PRH1: variants seen among roughly 807,000 people sequenced by gnomAD.
The protein encoded by PRH1 is salivary acidic proline-rich phosphoprotein 1/2.
Under a neutral mutation model 7.9 loss-of-function variants are expected in PRH1, and 7 were observed. That is an observed-to-expected ratio of 0.89 (90% CI 0.50 to 1.67). PRH1 has a LOEUF of 1.67. Ranked by LOEUF, PRH1 falls within the 40% of genes most tolerant of loss-of-function variation. The probability of loss-of-function intolerance (pLI) is 0.00; values close to 1 mark genes in which losing one functional copy is unlikely to be tolerated. For missense variants in PRH1, 109 were observed against 223.6 expected (o/e 0.49, Z 3.27); for synonymous variants, 45 against 80.8 (o/e 0.56, Z 2.38).
chr12:11,148,528 G>A (rs1488550095), intron 1 of PRH1, among the ~76,000 whole-genome samples: 1 of 147,426 alleles, frequency 6.8e-6, no homozygotes, highest in Non-Finnish European at 1.5e-5. Flanking sequence ...GGCCTTTTCT[G>A]CATCTATTGA....
chr12:11,133,263 T>C, intron 1 of PRH1: 1 of 1,575,158 alleles, frequency 6.3e-7, no homozygotes, highest in Non-Finnish European at 8.6e-7. Context: ...AAATGTTTCA[T>C]ACACCACCAG....
intron 1 of PRH1, among the ~76,000 whole-genome samples, chr12:11,003,192 ATTC>A (rs749861535): frequency 3.7e-4 from 57 of 152,088 alleles, no homozygotes; most frequent in Non-Finnish European, 6.9e-4. Flanking sequence ...ATAATGCTGT[ATTC>A]TTTATTCAGC....
intron 1 of PRH1, among the ~76,000 whole-genome samples, chr12:11,148,177 G>A (rs558176963): frequency 2.8e-5 from 4 of 140,888 alleles, no homozygotes; most frequent in East Asian, 2.0e-4. Context: ...TCAGCTTAAC[G>A]AGATTTTGGG....
intron 1 of PRH1, chr12:11,021,804 C>A: frequency 6.2e-7 from 1 of 1,614,246 alleles, no homozygotes; most frequent in Non-Finnish European, 8.5e-7. Context: ...CAAGTTTGCT[C>A]TGCTGTGTCC....
At chr12:10,884,264 C>T (rs1165980671), upstream of PRH1, 5 of 1,612,308 alleles carry the variant, frequency 3.1e-6, no homozygotes, top group East Asian at 2.2e-5. Flanking sequence ...CTGGGAGAAA[C>T]GTGTCAGCTC....
rs527310597 is a variant in PRH1 at position 11,101,466 on chromosome 12, G to T, written n.124-54278C>A. Reference sequence around the variant, plus strand: ...GATTGTTCTTGTGCACTCCAGCCTGGACAACAGAGTCAGATCCTGTCTCAA... The same window carrying T: ...GATTGTTCTTGTGCACTCCAGCCTGTACAACAGAGTCAGATCCTGTCTCAA... On this transcript the variant is annotated intron_variant and non_coding_transcript_variant, in intron 1 of 4. Coordinates refer to the PRH1 transcript ENST00000541977. 2.6e-5 allele frequency among the ~76,000 whole-genome samples: 4 copies of T among 151,806 alleles called. No homozygotes were observed. The South Asian group carries it at 6.3e-4, about 24-fold the overall frequency.
chr12:10,954,579 C>A (rs1937859486), intron 2 of PRH1, among the ~76,000 whole-genome samples: 1 of 152,172 alleles, frequency 6.6e-6, no homozygotes, highest in South Asian at 2.1e-4. Context: ...GAAATCCTCC[C>A]AACTCAGCCT....
intron 1 of PRH1, among the ~76,000 whole-genome samples, chr12:10,994,530 A>G (rs978967321): frequency 6.6e-6 from 1 of 152,186 alleles, no homozygotes; most frequent in African/African-American, 2.4e-5. Flanking sequence ...CACACATTAC[A>G]GCACATAGTG....
intron 2 of PRH1, among the ~76,000 whole-genome samples, chr12:10,945,037 T>C (rs1026271801): frequency 2.6e-5 from 4 of 152,198 alleles, no homozygotes; most frequent in African/African-American, 9.7e-5. Flanking sequence ...GTTGTGTCTC[T>C]GCCAGGTTTT....
intron 1 of PRH1, among the ~76,000 whole-genome samples, chr12:10,987,703 A>C (rs1284511559): frequency 6.6e-6 from 1 of 152,006 alleles, no homozygotes; most frequent in Non-Finnish European, 1.5e-5. Context: ...ACCCCCCCCA[A>C]AAAAATGTAT....
At chr12:11,091,686 C>G (rs72477447) in intron 1 of PRH1, 23,437 of 1,000,168 alleles carry the variant, frequency 0.023, 8,574 homozygotes, top group Admixed American at 0.046. Flanking sequence ...AAGTTTGCTA[C>G]CATGGTTACA....
At chr12:10,916,923 A>ATTAAT (rs1224074899) in intron 2 of PRH1, among the ~76,000 whole-genome samples, 14 of 150,156 alleles carry the variant, frequency 9.3e-5, no homozygotes, top group African/African-American at 3.4e-4. Flanking sequence ...ATAAAATAAA[A>ATTAAT]AAAATAGCTG....
intron 1 of PRH1, among the ~76,000 whole-genome samples, chr12:11,154,886 A>G (rs1947206829): frequency 6.6e-6 from 1 of 150,622 alleles, no homozygotes; most frequent in Admixed American, 6.7e-5. Context: ...GGAAAACTTC[A>G]GACAGAGAAT....
rs1210557314 is a variant in PRH1 at position 11,089,160 on chromosome 12, T to C, written n.124-41972A>G. ...CTTCACTATGTCCTATTCCCCTGGC[T>C]AGTACCTTGCCCGATCCAGGTCATC... On this transcript the variant is annotated intron_variant and non_coding_transcript_variant, in intron 1 of 4. Coordinates refer to the PRH1 transcript ENST00000541977. Among the ~76,000 whole-genome samples the C allele has an allele frequency of 5.2e-5, 6 of 115,578 alleles. 2 individuals are homozygous for C. The highest frequency in any genetic ancestry group is 2.3e-4 in the South Asian group (1 of 4,260). 75.8% of individuals were successfully genotyped at this position (115,578 alleles called of 152,430 possible). A position where few individuals can be genotyped will look rare whatever the true frequency, so the allele number is the denominator to read the frequency against.
chr12:11,032,427 A>C (rs892013839), intron 1 of PRH1, among the ~76,000 whole-genome samples: 1 of 152,160 alleles, frequency 6.6e-6, no homozygotes, highest in Non-Finnish European at 1.5e-5. Context: ...GCAGGCCACT[A>C]CTCCATAAGA....
intron 1 of PRH1, among the ~76,000 whole-genome samples, chr12:10,973,912 C>A (rs1245470946): frequency 6.6e-6 from 1 of 152,056 alleles, no homozygotes. Flanking sequence ...AAAACTACTC[C>A]TAAAATGTAT....
At chr12:10,944,486 A>G (rs1236268688) in intron 2 of PRH1, among the ~76,000 whole-genome samples, 1 of 152,196 alleles carries the variant, frequency 6.6e-6, no homozygotes, top group African/African-American at 2.4e-5. Flanking sequence ...GGGGTTTTGT[A>G]GATAGAGAAT....
chr12:11,101,608 C>T (rs7959172), intron 1 of PRH1, among the ~76,000 whole-genome samples: 32,184 of 152,008 alleles, frequency 0.21, 4,008 homozygotes, highest in Non-Finnish European at 0.27. Flanking sequence ...GCTGCATCAC[C>T]CTAATTTTAC....
chr12:11,151,415 C>A (rs1189993099), intron 1 of PRH1, among the ~76,000 whole-genome samples: 2 of 152,080 alleles, frequency 1.3e-5, no homozygotes, highest in Non-Finnish European at 2.9e-5. Flanking sequence ...GAAACTCTGA[C>A]CAATGAAAGA....
Sources: allele counts gnomAD v4.1 joint callset (sites outside exome capture counted in the v4.1 genomes callset), GRCh38; gene constraint gnomAD v4.1.1; transcripts MANE v1.5; gene names NCBI Gene and HGNC (gene_info 2026-07-23, HGNC 2026-07-21).